The following SYNE1 variants were observed in gnomAD, a reference collection of about 807,000 sequenced individuals.
SYNE1 encodes spectrin repeat containing nuclear envelope protein 1.
A neutral mutation model predicts 1,111.0 loss-of-function variants in SYNE1; 616 were observed. The ratio of observed to expected loss-of-function variants is 0.55; its 90% confidence interval spans 0.52 to 0.59. The LOEUF (loss-of-function observed/expected upper bound fraction) is 0.59. Among genes scored for constraint, SYNE1 ranks in the 20% least tolerant of loss-of-function variants. The pLI is 0.00. For synonymous variants in SYNE1, 3,855 were observed against 3,825.8 expected, an observed-to-expected ratio of 1.01 and a Z score of -0.28; for missense variants, 10,006 against 10,417.0, an observed-to-expected ratio of 0.96 and a Z score of 1.72.
intron 93 of SYNE1, among the ~76,000 whole-genome samples, chr6:152,298,732 TG>T (rs1448086168): frequency 7.2e-5 from 11 of 152,284 alleles, no homozygotes. Context: ...ATAAATCCAG[TG>T]CATCACCGGT....
chr6:152,131,329 T>TAA (rs34061887), intron 144 of SYNE1, among the ~76,000 whole-genome samples: 5 of 141,862 alleles, frequency 3.5e-5, no homozygotes, highest in East Asian at 2.1e-4. Flanking sequence ...GTGAATGTAG[T>TAA]AAAAAAAAAA....
chr6:152,467,802 T>C (rs1047709865), intron 16 of SYNE1, among the ~76,000 whole-genome samples: 1 of 152,148 alleles, frequency 6.6e-6, no homozygotes, highest in African/African-American at 2.4e-5. Flanking sequence ...ATACCTATTT[T>C]GTATTTTAAA....
intron 72 of SYNE1, among the ~76,000 whole-genome samples, chr6:152,348,202 T>C (rs111371815): frequency 2.9e-3 from 435 of 152,220 alleles, no homozygotes; most frequent in Non-Finnish European, 4.9e-3. Context: ...CTGACGAATG[T>C]GTATTATCAT....
intron 61 of SYNE1, chr6:152,368,613 C>A (rs1180956364): frequency 4.5e-6 from 1 of 222,426 alleles, no homozygotes; most frequent in Admixed American, 5.1e-5. Context: ...AACAAAAACT[C>A]TGGGATTATT....
chr6:152,521,945 C>G (rs2099141910), intron 5 of SYNE1, among the ~76,000 whole-genome samples: 2 of 151,732 alleles, frequency 1.3e-5, no homozygotes, highest in Non-Finnish European at 1.5e-5. Flanking sequence ...ACATATTCAC[C>G]CATGTTTTCT....
At chr6:152,559,586 T>C (rs781612157) in intron 3 of SYNE1, among the ~76,000 whole-genome samples, 6 of 152,028 alleles carry the variant, frequency 3.9e-5, no homozygotes, top group Non-Finnish European at 5.9e-5. Flanking sequence ...TTGAGATGAA[T>C]GAAAATGGAA....
intron 135 of SYNE1, 109 bp from the exon 136 acceptor site, chr6:152,149,777 T>G: frequency 1.1e-6 from 1 of 915,176 alleles, no homozygotes; most frequent in Non-Finnish European, 1.7e-6. Flanking sequence ...ATGTAGGGGC[T>G]ATTTAATTGA....
chr6:152,432,738 CT>C (rs1346718205), intron 34 of SYNE1, among the ~76,000 whole-genome samples: 2 of 152,078 alleles, frequency 1.3e-5, no homozygotes, highest in Non-Finnish European at 2.9e-5. Flanking sequence ...ATGTGCTATT[CT>C]TTTTTCTTAG....
rs73784326 is a variant in SYNE1 at position 152,358,424 on chromosome 6, T to A, written c.10557A>T (p.Ser3519=). Residue 3519 remains serine, a synonymous_variant, in exon 66 of 146, where the codon TCA becomes TCT. Transcript: ENST00000367255. ...GAGTGTGGGCATCACCTTCAAGAAC[T>A]GAATACTGGTCGAGCTTTTCTTGTT... is the stretch of plus-strand genomic sequence containing the variant. ...GQEQEKLDQY[S]VLEGDAHTHE... 1,589 of 1,614,198 alleles carry A rather than the reference T, an allele frequency of 9.8e-4. 19 individuals are homozygous for A. The African/African-American group carries it at 0.018, about 18-fold the overall frequency.
intron 45 of SYNE1, 94 bp downstream of exon 45, chr6:152,406,920 A>G (rs2097910166): frequency 3.2e-6 from 3 of 933,232 alleles, no homozygotes; most frequent in Non-Finnish European, 4.4e-6. Context: ...AAAAGTTAAA[A>G]GAAGAATAAA....
At chr6:152,433,710 G>C in intron 34 of SYNE1, 85 bp downstream of exon 34, 1 of 1,507,718 alleles carries the variant, frequency 6.6e-7, no homozygotes, top group Non-Finnish European at 9.2e-7. Flanking sequence ...TCTTGTCCTG[G>C]GACCGAACAG....
At chr6:152,456,219 A>C (rs1404290870) in intron 22 of SYNE1, among the ~76,000 whole-genome samples, 175 bp from the exon 23 acceptor site, 2 of 152,170 alleles carry the variant, frequency 1.3e-5, no homozygotes, top group African/African-American at 4.8e-5. Flanking sequence ...AATTTTAAAC[A>C]ATCACTGAAG....
At chr6:152,447,728 A>C in intron 28 of SYNE1, 106 bp from the exon 29 acceptor site, 4 of 1,334,346 alleles carry the variant, frequency 3.0e-6, no homozygotes, top group Non-Finnish European at 2.1e-6. Flanking sequence ...AGCAGAATAG[A>C]GCCAGACATC....
At chr6:152,625,762 T>C (rs143984695) in intron 3 of SYNE1, among the ~76,000 whole-genome samples, 1 of 152,088 alleles carries the variant, frequency 6.6e-6, no homozygotes, top group African/African-American at 2.4e-5. Context: ...AAAATCCGGA[T>C]AGTTAGAAAA....
At chr6:152,577,578 A>G (rs2099502748) in intron 3 of SYNE1, among the ~76,000 whole-genome samples, 1 of 152,148 alleles carries the variant, frequency 6.6e-6, no homozygotes, top group Non-Finnish European at 1.5e-5. Flanking sequence ...GCTTGCAGTG[A>G]GCCGAGATGG....
chr6:152,554,569 T>C (rs1474394494), intron 3 of SYNE1, among the ~76,000 whole-genome samples: 1 of 152,156 alleles, frequency 6.6e-6, no homozygotes, highest in Admixed American at 6.5e-5. Context: ...TTTTTATCAG[T>C]TTCTTACTAA....
In SYNE1 at chr6:152,501,393, A is replaced by G. The variant is rs556571915; in HGVS notation, c.888+1240T>C. On this transcript the variant is annotated intron_variant, in intron 10 of 145. Coordinates refer to ENST00000367255, the MANE Select transcript of SYNE1 (RefSeq NM_182961.4). ...CAAGGCAACACGAAAAACATTTTTA[A>G]AAGCATTAAAATTTTGTATGCCCTT... Among the ~76,000 whole-genome samples, 6 of 152,318 alleles carry G rather than the reference A, an allele frequency of 3.9e-5. No homozygotes were observed. The East Asian group carries it at 9.6e-4, about 24-fold the overall frequency.
intron 11 of SYNE1, among the ~76,000 whole-genome samples, chr6:152,497,693 A>T (rs2099007028): frequency 1.3e-5 from 2 of 152,240 alleles, no homozygotes; most frequent in Non-Finnish European, 2.9e-5. Context: ...ATGGTTGGAA[A>T]GTGTCTAGCA....
intron 5 of SYNE1, among the ~76,000 whole-genome samples, 195 bp from the exon 6 acceptor site, chr6:152,520,737 T>C (rs1051782337): frequency 2.6e-5 from 4 of 152,176 alleles, no homozygotes; most frequent in Non-Finnish European, 5.9e-5. Context: ...ACTAATTCAC[T>C]CAATAAGTGC....
Sources: gnomAD v4.1 joint callset for allele counts (sites outside exome capture counted in the v4.1 genomes callset) on GRCh38, gnomAD v4.1.1 for gene constraint, MANE v1.5 for transcripts, NCBI Gene and HGNC (gene_info 2026-07-23, HGNC 2026-07-21) for gene names.